Variants in CGA observed in about 807,000 individuals in gnomAD.
CGA encodes the protein glycoprotein hormones, alpha polypeptide, also known as glycoprotein hormones alpha chain.
In CGA, 4 loss-of-function variants were observed where a neutral mutation model predicts 12.0. That is an observed-to-expected ratio of 0.33 (90% CI 0.16 to 0.76). CGA has a LOEUF of 0.76. Ranked by LOEUF, CGA falls within the 30% of genes least tolerant of loss-of-function variation. The pLI is 0.60. For synonymous variants in CGA, 60 were observed against 56.6 expected (o/e 1.06, Z -0.27); for missense variants, 102 against 143.5 (o/e 0.71, Z 1.48).
chr6:87,086,582 G>A, intron 2 of CGA, 148 bp from the exon 3 acceptor site: 1 of 666,344 alleles, frequency 1.5e-6, no homozygotes, highest in South Asian at 2.1e-5. Context: ...TTTGAGAGCA[G>A]CCTGGGCAAC....
chr6:87,091,940 G>A lies in CGA; in HGVS notation c.-8+3073C>T, dbSNP rs564726560. ...ATTTAAATTAGAAATGGGATCTCGA[G>A]AGGTGGAAGCGGCAGTGAGCCGAGA... On this transcript the variant is annotated intron_variant, in intron 1 of 3. Coordinates refer to ENST00000627148, the MANE Select transcript of CGA (RefSeq NM_000735.4). Among the ~76,000 whole-genome samples, 3 of 152,280 alleles carry A rather than the reference G, an allele frequency of 2.0e-5. No individual in the cohort carries two copies. The South Asian group carries it at 6.2e-4, about 32-fold the overall frequency.
chr6:87,092,066 G>A (rs554258346), intron 1 of CGA, among the ~76,000 whole-genome samples: 1 of 149,038 alleles, frequency 6.7e-6, no homozygotes, highest in African/African-American at 2.5e-5. Flanking sequence ...TGTTGTCTAG[G>A]CATCTTACTT....
Position 87,085,638 on chromosome 6 carries a change from G to A in CGA, c.*118C>T, listed in dbSNP as rs1005564470. The A allele has an allele frequency of 7.0e-6, 5 of 715,710 alleles. No individual in the cohort carries two copies. In the African/African-American group the frequency reaches 8.8e-5, roughly 13 times the overall value. The allele number at this position is 715,710 out of a possible 1,614,324, so 44.3% of individuals were successfully genotyped here. A position where few individuals can be genotyped will look rare whatever the true frequency, so the allele number is the denominator to read the frequency against. On this transcript the variant is annotated 3_prime_UTR_variant, in exon 4 of 4. Transcript: ENST00000627148. ...AAGCTGCAGTATATCCTTGAAGCGT[G>A]TCAAAGTGGTATGGTAAGGAAAAGG...
Position 87,088,228 on chromosome 6 carries a change from AAAAAAAAAAC to A in CGA, c.-7-31_-7-22del, listed in dbSNP as rs781050887. The A allele has an allele frequency of 6.8e-6, 9 of 1,321,732 alleles. 1 individual carries two copies. The East Asian group carries it at 1.6e-4, about 23-fold the overall frequency. 81.9% of individuals were successfully genotyped at this position (1,321,732 alleles called of 1,614,324 possible). A position where few individuals can be genotyped will look rare whatever the true frequency, so the allele number is the denominator to read the frequency against. On this transcript the variant is annotated intron_variant, in intron 1 of 3. Transcript: ENST00000627148. ...CGCTCCTGCAGACAGACATGGCAAA[AAAAAAAAAAC>A]AAAAAACAGTTAATCTAAAATTGGC...
In CGA at chr6:87,088,312, A is replaced by G. The variant is rs1330435431; in HGVS notation, c.-7-105T>C. ...TAGTTTCAACATTACTATTAATAAT[A>G]GTCATCAGTGTCTTGACCTCCCTGC... On this transcript the variant is annotated intron_variant, in intron 1 of 3. Transcript: ENST00000627148. 4 of 587,410 alleles carry G rather than the reference A, an allele frequency of 6.8e-6. 1 individual carries two copies. The South Asian group carries it at 7.4e-5, about 11-fold the overall frequency. The allele number at this position is 587,410 out of a possible 1,614,324, so 36.4% of individuals were successfully genotyped here. A position where few individuals can be genotyped will look rare whatever the true frequency, so the allele number is the denominator to read the frequency against.
At chr6:87,094,236 G>A (rs6924434) in intron 1 of CGA, among the ~76,000 whole-genome samples, 58,957 of 151,954 alleles carry the variant, frequency 0.39, 13,799 homozygotes, top group African/African-American at 0.67. Context: ...CTTCACACGT[G>A]CCCATAGCCT....
chr6:87,090,899 G>A (rs1273371056), intron 1 of CGA, among the ~76,000 whole-genome samples: 1 of 151,496 alleles, frequency 6.6e-6, no homozygotes, highest in African/African-American at 2.4e-5. Context: ...ACCTGCCTCG[G>A]CCTCCCAAAG....
chr6:87,086,938 G>C (rs1009687326), intron 2 of CGA, among the ~76,000 whole-genome samples: 1 of 152,084 alleles, frequency 6.6e-6, no homozygotes, highest in Admixed American at 6.6e-5. Flanking sequence ...ATTTCGCTGG[G>C]CATGGTGGCA....
At chr6:87,088,388 T>G (rs537698082) in intron 1 of CGA, among the ~76,000 whole-genome samples, 181 bp from the exon 2 acceptor site, 1 of 152,092 alleles carries the variant, frequency 6.6e-6, no homozygotes, top group Non-Finnish European at 1.5e-5. Flanking sequence ...TAAAAAAAGT[T>G]CTCCTTAGGA....
rs1290710235 is a variant in CGA, at chr6:87,085,800, G to T, written c.307C>A (p.His103Asn). 1 of 1,612,694 alleles carries T rather than the reference G, an allele frequency of 6.2e-7. No homozygotes were observed. The highest frequency in any genetic ancestry group is 8.5e-7 in the Non-Finnish European group (1 of 1,179,016). Reference sequence around the variant, plus strand: ...CAAGTACTGCAGTGGCACGCCGTGTGGTTCTCCACTTTGAAACCCCCCATT... The same window carrying T: ...CAAGTACTGCAGTGGCACGCCGTGTTGTTCTCCACTTTGAAACCCCCCATT... ...TVMGGFKVEN[H>N]TACHCSTCYY... Residue 103 changes from histidine (H) to asparagine (N), a missense_variant, in exon 4 of 4, where the codon CAC (histidine) becomes AAC (asparagine). His to Asn is a moderately conservative substitution (Grantham distance 68). Coordinates refer to ENST00000627148, the MANE Select transcript of CGA (RefSeq NM_000735.4).
chr6:87,088,431 A>T (rs2127754505), intron 1 of CGA, among the ~76,000 whole-genome samples: 1 of 152,194 alleles, frequency 6.6e-6, no homozygotes, highest in East Asian at 1.9e-4. Context: ...CCCATTTCTC[A>T]CATTAACTGT....
chr6:87,086,546 G>T (rs1336571647), intron 2 of CGA, 112 bp from the exon 3 acceptor site: 3 of 985,940 alleles, frequency 3.0e-6, no homozygotes, highest in Admixed American at 2.7e-5. Context: ...GGAGGCCTTA[G>T]TGGGTGGATT....
chr6:87,089,600 A>C (rs1287444338), intron 1 of CGA, among the ~76,000 whole-genome samples: 1 of 152,236 alleles, frequency 6.6e-6, no homozygotes. Context: ...TTAAAGGTAC[A>C]TATGAGTCAA....
rs1304257997 is a variant in CGA at position 87,088,181 on chromosome 6, T to G, written c.20A>C (p.Tyr7Ser). Residue 7 changes from tyrosine (Y) to serine (S), a missense_variant, in exon 2 of 4, where the codon TAT (tyrosine) becomes TCT (serine). Tyr to Ser is a moderately radical substitution (Grantham distance 144). Transcript: ENST00000627148. MDYYRKYAAIFLVTLSV... is the reference protein window; with the variant it reads MDYYRKSAAIFLVTLSV... ...CAATGTGACCAGAAAGATAGCTGCA[T>G]ATTTTCTGTAGTAATCCATGGCGCT... The G allele has an allele frequency of 6.3e-7, 1 of 1,588,244 alleles. No individual in the cohort carries two copies. The highest frequency in any genetic ancestry group is 8.6e-7 in the Non-Finnish European group (1 of 1,166,618).
intron 2 of CGA, 57 bp from the exon 3 acceptor site, chr6:87,086,491 T>G: frequency 6.6e-7 from 1 of 1,520,578 alleles, no homozygotes; most frequent in Non-Finnish European, 8.9e-7. Context: ...AAAAAGAATC[T>G]ATGAGGCCAG....
intron 1 of CGA, among the ~76,000 whole-genome samples, chr6:87,089,625 T>C (rs1769394500): frequency 6.6e-6 from 1 of 152,220 alleles, no homozygotes; most frequent in South Asian, 2.1e-4. Flanking sequence ...TATGGTTATT[T>C]TTCATGTAGA....
chr6:87,089,569 T>TA (rs550557575), intron 1 of CGA, among the ~76,000 whole-genome samples: 46 of 152,202 alleles, frequency 3.0e-4, no homozygotes, highest in Admixed American at 1.1e-3. Flanking sequence ...AAAGTTTTTT[T>TA]AAAAAAATTC....
chr6:87,094,356 A>C (rs1456368094), intron 1 of CGA, among the ~76,000 whole-genome samples: 1 of 152,254 alleles, frequency 6.6e-6, no homozygotes, highest in African/African-American at 2.4e-5. Flanking sequence ...GGTTAGCTGC[A>C]AAAAAGTTTC....
intron 1 of CGA, among the ~76,000 whole-genome samples, chr6:87,094,177 A>C (rs1769492003): frequency 6.6e-6 from 1 of 152,226 alleles, no homozygotes; most frequent in Admixed American, 6.5e-5. Context: ...CAGAGATGAA[A>C]GGGAGCTTCT....
Sources: allele counts gnomAD v4.1 joint callset (sites outside exome capture counted in the v4.1 genomes callset), GRCh38; gene constraint gnomAD v4.1.1; transcripts MANE v1.5; gene names NCBI Gene and HGNC (gene_info 2026-07-23, HGNC 2026-07-21).